Variants in TMEM106C observed in about 807,000 individuals in gnomAD.
TMEM106C encodes the protein endoplasmic reticulum membrane protein overexpressed in cancer.
In TMEM106C, 27 loss-of-function variants were observed where a neutral mutation model predicts 30.8. That is an observed-to-expected ratio of 0.88 (90% CI 0.65 to 1.21). The LOEUF (loss-of-function observed/expected upper bound fraction) is 1.21. TMEM106C is among the 50% of genes most tolerant of loss of function. The pLI is 0.00. For synonymous variants in TMEM106C, 123 were observed against 118.8 expected, an observed-to-expected ratio of 1.04 and a Z score of -0.23; for missense variants, 288 against 307.8, an observed-to-expected ratio of 0.94 and a Z score of 0.48.
chr12:47,965,973 C>G lies in TMEM106C; in HGVS notation c.387C>G (p.Asp129Glu), dbSNP rs1283053032. The part of the protein sequence containing the change: ...KVVKVTFNKQ[D>E]SLVILTIMAT... ...TGAAAGTCACATTTAATAAGCAAGACTCCCTTGTAATTCTCACCATCATGG... is the reference window on the plus strand; with the variant it reads ...TGAAAGTCACATTTAATAAGCAAGAGTCCCTTGTAATTCTCACCATCATGG... The change falls in exon 4 of 8, where the codon GAC (aspartate) becomes GAG (glutamate). Residue 129 changes from aspartate to glutamate, a missense_variant. Transcript: ENST00000429772. 6.2e-7 allele frequency: 1 copy of G among 1,614,252 alleles called. No homozygotes were observed. Among genetic ancestry groups the G allele is most frequent in the African/African-American group, 1.3e-5 (1 of 75,060 alleles).
rs369442475 is a variant in TMEM106C at position 47,964,307 on chromosome 12, G to C, written c.71G>C (p.Gly24Ala). The C allele has an allele frequency of 1.9e-5, 30 of 1,614,014 alleles. No individual in the cohort carries two copies. Among genetic ancestry groups the C allele is most frequent in the Non-Finnish European group, 2.2e-5 (26 of 1,180,024 alleles). ...CGAAAGCAAGAAGATGACAGGGACG[G>C]TTTGCTGGCTGAACGAGAGCAGGAA... is the stretch of plus-strand genomic sequence containing the variant. ...CRRKQEDDRD[G>A]LLAEREQEEA... Residue 24 changes from glycine (G) to alanine (A), a missense_variant, in exon 2 of 8, where the codon GGT (glycine) becomes GCT (alanine). By Grantham distance (60) the Gly-to-Ala change is moderately conservative (BLOSUM62 0). Coordinates refer to ENST00000429772, the MANE Select transcript of TMEM106C (RefSeq NM_001143842.2).
chr12:47,968,265 AAG>A lies in TMEM106C; in HGVS notation c.*41_*42del, dbSNP rs1244735222. ...TGGTTCTTCCACACAGCGCCTGTAG[AAG>A]AGAGCACAGCATATGTTCCCAAGGC... On this transcript the variant is annotated 3_prime_UTR_variant, in exon 8 of 8. Coordinates refer to ENST00000429772, the MANE Select transcript of TMEM106C (RefSeq NM_001143842.2). 1 of 1,503,506 alleles carries A rather than the reference AAG, an allele frequency of 6.7e-7. No homozygotes were observed. The highest frequency in any genetic ancestry group is 1.1e-5 in the South Asian group (1 of 88,868). 93.1% of individuals were successfully genotyped at this position (1,503,506 alleles called of 1,614,324 possible).
rs140498400 is a variant in TMEM106C, at chr12:47,965,142, A to C, written c.188-140A>C. ...CACTCTCTTGTTTCTTGTTCATTAG[A>C]CCCAACATGTGAATTTCACTAGTAT... On this transcript the variant is annotated intron_variant, in intron 2 of 7. Transcript: ENST00000429772. The C allele has an allele frequency of 1.1e-3, 753 of 655,588 alleles. 4 individuals are homozygous for C. The highest frequency in any genetic ancestry group is 0.011 in the African/African-American group (624 of 54,668). The allele number at this position is 655,588 out of a possible 1,614,324, so 40.6% of individuals were successfully genotyped here.
rs973829750 is a variant in TMEM106C at position 47,968,843 on chromosome 12, G to A, written c.*614G>A. On this transcript the variant is annotated 3_prime_UTR_variant, in exon 8 of 8. Coordinates refer to ENST00000429772, the MANE Select transcript of TMEM106C (RefSeq NM_001143842.2). ...ATCCATTGGCTGGAACATGGATTGG[G>A]GATTTGATAGAAAAATAAACCCTGC... The A allele has an allele frequency of 6.4e-6, 1 of 156,400 alleles. No individual in the cohort carries two copies. The highest frequency in any genetic ancestry group is 6.3e-5 in the Admixed American group (1 of 15,902). 9.7% of individuals were successfully genotyped at this position (156,400 alleles called of 1,614,324 possible).
intron 7 of TMEM106C, 86 bp downstream of exon 7, chr12:47,967,347 G>A (rs1036362409): frequency 1.4e-6 from 2 of 1,418,302 alleles, no homozygotes; most frequent in Non-Finnish European, 2.0e-6. Context: ...TGACCACAGG[G>A]CAGAGGCACC....
chr12:47,964,630 C>T (rs554667104), intron 2 of TMEM106C: 6 of 576,848 alleles, frequency 1.0e-5, no homozygotes, highest in African/African-American at 7.5e-5. Context: ...TTTTCTTTAC[C>T]GCCACTCTTG....
intron 5 of TMEM106C, 187 bp from the exon 6 acceptor site, chr12:47,966,496 T>C (rs1938228416): frequency 1.4e-6 from 1 of 707,122 alleles, no homozygotes; most frequent in Non-Finnish European, 2.4e-6. Context: ...CTGAGGTCCA[T>C]TGGCCTCTCA....
Position 47,965,363 on chromosome 12 carries a change from C to T in TMEM106C, c.251+18C>T, listed in dbSNP as rs1320370356. Reference sequence around the variant, plus strand: ...CAGCGAACGTGAGTTACCTGCTTCTCACCTGTTAATACCTACTTCTGTCCC... The same window carrying T: ...CAGCGAACGTGAGTTACCTGCTTCTTACCTGTTAATACCTACTTCTGTCCC... On this transcript the variant is annotated intron_variant, in intron 3 of 7. Transcript: ENST00000429772. 1 of 1,611,116 alleles carries T rather than the reference C, an allele frequency of 6.2e-7. No homozygotes were observed. The highest frequency in any genetic ancestry group is 8.5e-7 in the Non-Finnish European group (1 of 1,177,332).
Position 47,968,122 on chromosome 12 carries a change from CT to C in TMEM106C, c.657-7del. 3 of 1,605,386 alleles carry C rather than the reference CT, an allele frequency of 1.9e-6. No individual in the cohort carries two copies. The highest frequency in any genetic ancestry group is 1.7e-6 in the Non-Finnish European group (2 of 1,172,396). The stretch of plus-strand genomic sequence containing the variant: ...AACATAATTAATTCTTCTTGGTTTT[CT>C]TTTCCCTAGAACTTCAGTGAAGATT... On this transcript the variant is annotated splice_polypyrimidine_tract_variant and intron_variant, in intron 7 of 7. Transcript: ENST00000429772.
In TMEM106C at chr12:47,966,713, G is replaced by A; in HGVS notation, c.583G>A (p.Gly195Arg). 6.2e-7 allele frequency: 1 copy of A among 1,614,164 alleles called. No individual in the cohort carries two copies. The highest frequency in any genetic ancestry group is 8.5e-7 in the Non-Finnish European group (1 of 1,180,032). ...TTTTACCGGGAAGGCCGAGATGGGAGGACCGTTTTCCTATGTGTAGTAAGG... is the reference window on the plus strand; with the variant it reads ...TTTTACCGGGAAGGCCGAGATGGGAAGACCGTTTTCCTATGTGTAGTAAGG... The part of the protein sequence containing the change: ...VNFTGKAEMG[G>R]PFSYVYFFCT... The change falls in exon 6 of 8, where the codon GGA becomes AGA. Residue 195 changes from glycine (G) to arginine (R), a missense_variant. Gly to Arg is a moderately radical substitution (Grantham distance 125). Transcript: ENST00000429772.
At chr12:47,964,819 C>T (rs1311860870) in intron 2 of TMEM106C, 3 of 301,588 alleles carry the variant, frequency 9.9e-6, no homozygotes, top group Non-Finnish European at 1.9e-5. Flanking sequence ...AAAAATATAT[C>T]AGGTCAAGAG....
chr12:47,965,743 A>T, intron 3 of TMEM106C, 95 bp from the exon 4 acceptor site: 1 of 1,476,592 alleles, frequency 6.8e-7, no homozygotes, highest in Non-Finnish European at 9.2e-7. Flanking sequence ...CTTCCCTTTC[A>T]GCTCCCTTCT....
At chr12:47,965,523 C>G (rs1938192213) in intron 3 of TMEM106C, 178 bp downstream of exon 3, 1 of 672,840 alleles carries the variant, frequency 1.5e-6, no homozygotes, top group Admixed American at 3.0e-5. Flanking sequence ...GGGAAAGAAA[C>G]TTGAAGCTGG....
chr12:47,966,380 A>G, intron 5 of TMEM106C, 151 bp downstream of exon 5: 1 of 892,114 alleles, frequency 1.1e-6, no homozygotes. Flanking sequence ...CCCTGTAATT[A>G]TAAATAATTG....
intron 6 of TMEM106C, 46 bp from the exon 7 acceptor site, chr12:47,967,161 CT>C: frequency 4.6e-6 from 7 of 1,527,012 alleles, no homozygotes; most frequent in Non-Finnish European, 3.6e-6. Flanking sequence ...TCTACTGAGG[CT>C]TTAAAAAAAA....
In TMEM106C at chr12:47,968,179, T is replaced by C. The variant is rs748338010; in HGVS notation, c.703T>C (p.Leu235=). The change falls in exon 8 of 8, where the codon TTG becomes CTG. Residue 235 remains leucine (L), a synonymous_variant. Transcript: ENST00000429772. ...SYIGLMTQSS[L]ETHHYVDCGG... is the part of the protein sequence containing the mutation. ...CATTGGCCTCATGACCCAGAGCTCCTTGGAGACACATCACTATGTGGATTG... is the reference window on the plus strand; with the variant it reads ...CATTGGCCTCATGACCCAGAGCTCCCTGGAGACACATCACTATGTGGATTG... 1 of 1,614,102 alleles carries C rather than the reference T, an allele frequency of 6.2e-7. No individual in the cohort carries two copies. The highest frequency in any genetic ancestry group is 2.2e-5 in the East Asian group (1 of 44,888).
At position 47,968,337 on chromosome 12, in the gene TMEM106C, T is replaced by C. The variant is rs867688559; in HGVS notation, c.*108T>C. ...CCACGTGGTGTAAGCAGAGGAGGAA[T>C]TGGTTCACTTAACTCCCAGCAAACA... On this transcript the variant is annotated 3_prime_UTR_variant, in exon 8 of 8. Transcript: ENST00000429772. The C allele has an allele frequency of 1.3e-5, 11 of 847,172 alleles. No homozygotes were observed. The Middle Eastern group carries it at 2.5e-3, about 189-fold the overall frequency. The allele number at this position is 847,172 out of a possible 1,614,324, so 52.5% of individuals were successfully genotyped here. A position where few individuals can be genotyped will look rare whatever the true frequency, so the allele number is the denominator to read the frequency against.
At chr12:47,963,995 C>T in intron 1 of TMEM106C, 1 of 549,174 alleles carries the variant, frequency 1.8e-6, no homozygotes, top group Admixed American at 3.1e-5. Flanking sequence ...GCCCCGTTCC[C>T]CCTCCCCACC....
chr12:47,965,813 C>T (rs753098468), intron 3 of TMEM106C, 25 bp from the exon 4 acceptor site: 4 of 1,611,772 alleles, frequency 2.5e-6, no homozygotes, highest in Admixed American at 1.7e-5. Context: ...CTGCCTGGGT[C>T]GGTCATGTGC....
Sources: gnomAD v4.1 joint callset for allele counts on GRCh38, gnomAD v4.1.1 for gene constraint, MANE v1.5 for transcripts, NCBI Gene and HGNC (gene_info 2026-07-23, HGNC 2026-07-21) for gene names.